Variants in EIF3I observed in about 807,000 individuals in gnomAD.
The protein encoded by EIF3I is eukaryotic translation initiation factor 3 subunit I.
EIF3I carries 20 observed loss-of-function variants against 43.3 expected under a neutral mutation model. The ratio of observed to expected loss-of-function variants is 0.46; its 90% CI spans 0.32 to 0.67. The LOEUF is 0.67. Ranked by LOEUF, EIF3I falls within the 30% of genes least tolerant of loss-of-function variation. EIF3I has a pLI of 0.03. For missense variants in EIF3I, 279 were observed against 421.4 expected (o/e 0.66, Z 2.96); for synonymous variants, 167 against 151.7 (o/e 1.10, Z -0.74).
In EIF3I at chr1:32,222,642, C is replaced by G; in HGVS notation, c.96+12C>G. 1.2e-6 allele frequency: 2 copies of G among 1,612,876 alleles called. No homozygotes were observed. Among genetic ancestry groups the G allele is most frequent in the Non-Finnish European group, 1.7e-6 (2 of 1,178,980 alleles). ...TGGCCAAGGACCCTGTGAGTGTTGG[C>G]TGGAGGGGGTCCGGGAGGGGCGGGA... On this transcript the variant is annotated intron_variant, in intron 2 of 11. Transcript: ENST00000676679.
chr1:32,225,277 A>G (rs1292183976), intron 4 of EIF3I, among the ~76,000 whole-genome samples: 1 of 152,190 alleles, frequency 6.6e-6, no homozygotes, highest in African/African-American at 2.4e-5. Context: ...TGCCCAGCCT[A>G]AGCTGTTCTG....
downstream of EIF3I, chr1:32,234,310 A>AG (rs1639274103): frequency 6.6e-6 from 1 of 151,536 alleles, no homozygotes; most frequent in African/African-American, 2.4e-5. Flanking sequence ...ATCTCAAAAA[A>AG]AAAAAAAAAA....
chr1:32,224,865 G>A (rs1295425352), intron 4 of EIF3I, among the ~76,000 whole-genome samples: 1 of 149,028 alleles, frequency 6.7e-6, no homozygotes, highest in South Asian at 2.1e-4. Flanking sequence ...AGATTCTCTC[G>A]CTGTGTCACC....
Position 32,224,992 on chromosome 1 carries a change from C to G in EIF3I, c.250+517C>G, listed in dbSNP as rs60951428. 5.0e-3 allele frequency among the ~76,000 whole-genome samples: 765 copies of G among 152,292 alleles called. 7 individuals carry two copies. The highest frequency in any genetic ancestry group is 0.017 in the African/African-American group (705 of 41,556). On this transcript the variant is annotated intron_variant, in intron 4 of 11. Transcript: ENST00000676679. The stretch of plus-strand genomic sequence containing the variant: ...GGGATTACAGACATGCGCCATCACA[C>G]CTGGCTAATTTTTGTATTTTTAGTA...
intron 7 of EIF3I, 51 bp from the exon 8 acceptor site, chr1:32,228,676 C>A: frequency 6.2e-7 from 1 of 1,605,154 alleles, no homozygotes; most frequent in Non-Finnish European, 8.5e-7. Context: ...CCCTGCCCGA[C>A]TTCCCCCAGG....
downstream of EIF3I, among the ~76,000 whole-genome samples, chr1:32,235,766 C>T (rs1298169718): frequency 6.6e-6 from 1 of 152,184 alleles, no homozygotes; most frequent in Non-Finnish European, 1.5e-5. Flanking sequence ...AGTATCACAA[C>T]ACCCTTGATG....
chr1:32,226,479 G>A (rs200845980), exon 6 of EIF3I: 20 of 1,593,828 alleles, frequency 1.3e-5, no homozygotes, highest in Non-Finnish European at 1.7e-5. Flanking sequence ...CCCTGGGGGA[G>A]TGCATCATCG....
intron 2 of EIF3I, 104 bp downstream of exon 2, chr1:32,222,734 A>C (rs1639040837): frequency 8.4e-7 from 1 of 1,194,546 alleles, no homozygotes; most frequent in Non-Finnish European, 1.2e-6. Context: ...AGAGCAGCCC[A>C]TTGTGAGAAG....
chr1:32,224,319 C>G, intron 3 of EIF3I, 91 bp from the exon 4 acceptor site: 3 of 1,246,590 alleles, frequency 2.4e-6, no homozygotes, highest in Non-Finnish European at 3.5e-6. Flanking sequence ...TAGAAAGGCT[C>G]TTTGGGGCTG....
chr1:32,225,806 G>A (rs1480109713), intron 4 of EIF3I, among the ~76,000 whole-genome samples: 1 of 151,758 alleles, frequency 6.6e-6, no homozygotes, highest in Non-Finnish European at 1.5e-5. Flanking sequence ...GCGGATCACG[G>A]GTCAGGAGAT....
chr1:32,228,367 T>C, intron 6 of EIF3I, 132 bp from the exon 7 acceptor site: 1 of 691,130 alleles, frequency 1.4e-6, no homozygotes, highest in Non-Finnish European at 2.6e-6. Flanking sequence ...TAGGGGTGAC[T>C]GATAGGATAG....
At chr1:32,231,273 C>A in exon 12 of EIF3I, 2 of 1,368,076 alleles carry the variant, frequency 1.5e-6, no homozygotes, top group Non-Finnish European at 2.1e-6. Flanking sequence ...GGCGGATCAC[C>A]TGAGGTCAGG....
At chr1:32,225,571 C>G (rs911337846) in intron 4 of EIF3I, among the ~76,000 whole-genome samples, 1 of 151,170 alleles carries the variant, frequency 6.6e-6, no homozygotes, top group Non-Finnish European at 1.5e-5. Flanking sequence ...GGTGAAACCC[C>G]GTCTATTAAA....
At chr1:32,233,744 T>C (rs1171363229), downstream of EIF3I, among the ~76,000 whole-genome samples, 1 of 152,192 alleles carries the variant, frequency 6.6e-6, no homozygotes, top group East Asian at 1.9e-4. Flanking sequence ...TTTGAAACAA[T>C]CGACCTTGCA....
At chr1:32,231,284 A>G (rs1357684714) in exon 12 of EIF3I, 1 of 1,230,466 alleles carries the variant, frequency 8.1e-7, no homozygotes, top group Non-Finnish European at 1.2e-6. Flanking sequence ...TGAGGTCAGG[A>G]GTTTAAGACC....
chr1:32,229,291 C>T (rs1013310488), intron 9 of EIF3I, 83 bp downstream of exon 9: 10 of 1,445,224 alleles, frequency 6.9e-6, no homozygotes, highest in African/African-American at 5.6e-5. Flanking sequence ...GATGGAGTCT[C>T]GCTCTGTCGC....
Position 32,228,482 on chromosome 1 carries a change from TCTTCTTC to T in EIF3I, c.529-12_529-6del. On this transcript the variant is annotated splice_polypyrimidine_tract_variant and intron_variant, in intron 6 of 11. Transcript: ENST00000676679. The stretch of plus-strand genomic sequence containing the variant: ...AGGGATTGGGCCCATTCAGTGTCAC[TCTTCTTC>T]CTTCCCTAGTCTGGAGAGGTGTTGG... 6.2e-7 allele frequency: 1 copy of T among 1,610,220 alleles called. No individual in the cohort carries two copies. The highest frequency in any genetic ancestry group is 8.5e-7 in the Non-Finnish European group (1 of 1,176,464).
At chr1:32,230,809 G>A in intron 10 of EIF3I, 118 bp from the exon 10 acceptor site, 2 of 759,050 alleles carry the variant, frequency 2.6e-6, no homozygotes, top group Non-Finnish European at 4.3e-6. Context: ...GGGTGACAGA[G>A]TAAGACTCCA....
chr1:32,225,751 G>A (rs533141600), intron 4 of EIF3I, among the ~76,000 whole-genome samples: 4 of 151,666 alleles, frequency 2.6e-5, no homozygotes, highest in South Asian at 2.1e-4. Context: ...GGCCGGGCGC[G>A]GTGGCTCACA....
Sources: allele counts gnomAD v4.1 joint callset (sites outside exome capture counted in the v4.1 genomes callset), GRCh38; gene constraint gnomAD v4.1.1; transcripts MANE v1.5; gene names NCBI Gene and HGNC (gene_info 2026-07-23, HGNC 2026-07-21).